Variants in PDE1A observed in about 807,000 individuals in gnomAD.
The protein encoded by PDE1A is dual specificity calcium/calmodulin-dependent 3',5'-cyclic nucleotide phosphodiesterase 1A.
A neutral mutation model predicts 61.7 loss-of-function variants in PDE1A; 35 were observed. That is an observed-to-expected ratio of 0.57 (90% confidence interval 0.43 to 0.75). The LOEUF (loss-of-function observed/expected upper bound fraction) is 0.75, where lower values mean the gene tolerates loss of function less well. Ranked by LOEUF, PDE1A falls within the 30% of genes least tolerant of loss-of-function variation. PDE1A has a pLI of 0.00. For synonymous variants in PDE1A, 232 were observed against 213.2 expected (o/e 1.09, Z -0.77); for missense variants, 597 against 630.6 (o/e 0.95, Z 0.57).
chr2:182,234,059 C>A (rs1281131719), intron 4 of PDE1A, among the ~76,000 whole-genome samples: 3 of 151,974 alleles, frequency 2.0e-5, no homozygotes, highest in African/African-American at 4.8e-5. Flanking sequence ...ACTAAAATAT[C>A]TTTTTATAAC....
intron 1 of PDE1A, among the ~76,000 whole-genome samples, chr2:182,370,913 C>G (rs531671170): frequency 6.6e-6 from 1 of 151,754 alleles, no homozygotes; most frequent in South Asian, 2.1e-4. Context: ...AGCAAAGACC[C>G]AGAAAAAAAG....
At chr2:182,358,291 T>G (rs1335215567) in intron 1 of PDE1A, among the ~76,000 whole-genome samples, 1 of 152,148 alleles carries the variant, frequency 6.6e-6, no homozygotes, top group African/African-American at 2.4e-5. Context: ...CAAGGTTCAC[T>G]TAACCAATCA....
chr2:182,169,910 A>ATG (rs1559132227), intron 13 of PDE1A, among the ~76,000 whole-genome samples: 10 of 75,646 alleles, frequency 1.3e-4, no homozygotes, highest in Non-Finnish European at 2.3e-4. Flanking sequence ...ACACACACAC[A>ATG]CACACACACA....
chr2:182,427,035 A>G (rs1215401438), exon 1 of PDE1A: 5 of 995,026 alleles, frequency 5.0e-6, no homozygotes, highest in Non-Finnish European at 6.0e-6. Context: ...AAGCTCCGAA[A>G]GGCTAAGTCC....
chr2:182,193,219 C>T (rs1240332833), intron 10 of PDE1A, among the ~76,000 whole-genome samples: 2 of 152,068 alleles, frequency 1.3e-5, no homozygotes, highest in Non-Finnish European at 2.9e-5. Flanking sequence ...AACTCCTGAC[C>T]TTGTGATCCG....
chr2:182,621,270 C>T, the PDE1A span, among the ~76,000 whole-genome samples: 1 of 152,184 alleles, frequency 6.6e-6, no homozygotes, highest in African/African-American at 2.4e-5. Context: ...ACTCAGAAAC[C>T]TTCATAACTA....
chr2:182,521,196 C>T (rs1173331499), intron 2 of PDE1A, among the ~76,000 whole-genome samples: 1 of 151,748 alleles, frequency 6.6e-6, no homozygotes, highest in Non-Finnish European at 1.5e-5. Flanking sequence ...TACCTCTAAA[C>T]AAAGTTTGAT....
downstream of PDE1A, among the ~76,000 whole-genome samples, chr2:182,145,365 A>G (rs1690439040): frequency 1.4e-5 from 2 of 147,394 alleles, no homozygotes; most frequent in South Asian, 4.2e-4. Flanking sequence ...GCCTTGACAG[A>G]AAAAAAAAAA....
chr2:182,701,740 T>G, the PDE1A span, among the ~76,000 whole-genome samples: 1 of 152,092 alleles, frequency 6.6e-6, no homozygotes, highest in Non-Finnish European at 1.5e-5. Flanking sequence ...AAACCACCGA[T>G]TCACTATCAC....
chr2:182,273,050 A>G (rs188833433), intron 1 of PDE1A, among the ~76,000 whole-genome samples: 1 of 152,246 alleles, frequency 6.6e-6, no homozygotes, highest in African/African-American at 2.4e-5. Context: ...TAAAGTCTGA[A>G]ATTGATAAAT....
chr2:182,440,062 G>T (rs966293539), intron 2 of PDE1A, among the ~76,000 whole-genome samples: 5 of 152,050 alleles, frequency 3.3e-5, no homozygotes, highest in Admixed American at 3.3e-4. Flanking sequence ...TAGAAAGGGT[G>T]ACACTGCTGT....
intron 10 of PDE1A, among the ~76,000 whole-genome samples, chr2:182,198,398 G>A (rs897698853): frequency 6.6e-6 from 1 of 151,814 alleles, no homozygotes. Flanking sequence ...CAAATGCAAT[G>A]TTGAATAGAA....
chr2:182,308,718 A>T (rs1451772956), intron 1 of PDE1A, among the ~76,000 whole-genome samples: 1 of 152,082 alleles, frequency 6.6e-6, no homozygotes, highest in Non-Finnish European at 1.5e-5. Context: ...TACAGATACA[A>T]TGTGAGTTAT....
At chr2:182,406,806 G>A (rs549734008) in intron 1 of PDE1A, among the ~76,000 whole-genome samples, 3 of 151,806 alleles carry the variant, frequency 2.0e-5, no homozygotes, top group South Asian at 2.1e-4. Context: ...TACAAGAAAT[G>A]AAAAAAATGC....
chr2:182,456,689 T>G (rs1412511850), intron 2 of PDE1A, among the ~76,000 whole-genome samples: 1 of 152,038 alleles, frequency 6.6e-6, no homozygotes, highest in Non-Finnish European at 1.5e-5. Context: ...TACAACTGAG[T>G]AACTCTGGGA....
chr2:182,165,458 C>T (rs550253043), downstream of PDE1A, among the ~76,000 whole-genome samples: 5 of 152,084 alleles, frequency 3.3e-5, no homozygotes, highest in South Asian at 2.1e-4. Flanking sequence ...CTACTAAGGG[C>T]GATTGATTGG....
chr2:182,268,886 T>C (rs1240757698), intron 1 of PDE1A, among the ~76,000 whole-genome samples: 1 of 152,134 alleles, frequency 6.6e-6, no homozygotes, highest in East Asian at 1.9e-4. Context: ...CTGACTTTCA[T>C]ATAATTTCAA....
At chr2:182,552,553 T>A in the PDE1A span, among the ~76,000 whole-genome samples, 4 of 148,748 alleles carry the variant, frequency 2.7e-5, no homozygotes, top group African/African-American at 9.8e-5. Context: ...CTGGATTTCC[T>A]AGGCCAACTA....
chr2:182,631,292 T>TAAA, the PDE1A span, among the ~76,000 whole-genome samples: 1 of 142,078 alleles, frequency 7.0e-6, no homozygotes, highest in East Asian at 2.1e-4. Flanking sequence ...TTCTTTTTTT[T>TAAA]TTAATTAATT....
Sources: allele counts gnomAD v4.1 joint callset (sites outside exome capture counted in the v4.1 genomes callset), GRCh38; gene constraint gnomAD v4.1.1; transcripts MANE v1.5; gene names NCBI Gene and HGNC (gene_info 2026-07-23, HGNC 2026-07-21).